The following RFTN2 variants were observed in gnomAD, a reference collection of about 807,000 sequenced individuals.
The protein encoded by RFTN2 is raftlin family member 2.
In RFTN2, 34 loss-of-function variants were observed where a neutral mutation model predicts 52.7. The observed-to-expected ratio is 0.64, with a 90% CI of 0.49 to 0.86. The LOEUF (loss-of-function observed/expected upper bound fraction) is 0.86. RFTN2 is among the 40% of genes least tolerant of loss of function. RFTN2 has a pLI of 0.00. For synonymous variants in RFTN2, 203 were observed against 217.7 expected (o/e 0.93, Z 0.59); for missense variants, 536 against 600.1 (o/e 0.89, Z 1.12).
At chr2:197,579,524 T>A (rs534185593) in intron 8 of RFTN2, among the ~76,000 whole-genome samples, 1 of 152,164 alleles carries the variant, frequency 6.6e-6, no homozygotes, top group African/African-American at 2.4e-5. Flanking sequence ...GCACTTTCAA[T>A]TTTTCGGTCC....
chr2:197,620,144 A>G (rs1053713612), intron 5 of RFTN2, among the ~76,000 whole-genome samples: 1 of 152,142 alleles, frequency 6.6e-6, no homozygotes, highest in African/African-American at 2.4e-5. Context: ...AGATTACTTC[A>G]AAAGACCTAA....
At chr2:197,633,115 G>C (rs1474468024) in intron 4 of RFTN2, among the ~76,000 whole-genome samples, 1 of 152,142 alleles carries the variant, frequency 6.6e-6, no homozygotes, top group African/African-American at 2.4e-5. Context: ...AGAAAACTTT[G>C]AATGGTCCCA....
intron 8 of RFTN2, among the ~76,000 whole-genome samples, chr2:197,585,690 C>G (rs983343056): frequency 6.6e-6 from 1 of 152,100 alleles, no homozygotes; most frequent in African/African-American, 2.4e-5. Flanking sequence ...CACAGCTGTC[C>G]CCGCCTTACA....
chr2:197,615,672 T>A (rs1002187278), intron 7 of RFTN2, among the ~76,000 whole-genome samples: 24 of 152,290 alleles, frequency 1.6e-4, no homozygotes, highest in African/African-American at 5.8e-4. Context: ...CAGTTTTGGA[T>A]ATGTGCTGCA....
At chr2:197,587,458 C>T (rs183536156) in intron 8 of RFTN2, among the ~76,000 whole-genome samples, 2 of 152,236 alleles carry the variant, frequency 1.3e-5, no homozygotes, top group Admixed American at 6.5e-5. Context: ...CCTGCCTTAA[C>T]TGAAGACATT....
chr2:197,605,050 C>T (rs1003012786), intron 7 of RFTN2, among the ~76,000 whole-genome samples: 1 of 152,130 alleles, frequency 6.6e-6, no homozygotes, highest in Admixed American at 6.5e-5. Flanking sequence ...AGCCACCACA[C>T]CCAGCGTGTG....
chr2:197,617,414 A>G (rs1400390402), intron 6 of RFTN2, among the ~76,000 whole-genome samples: 1 of 152,208 alleles, frequency 6.6e-6, no homozygotes, highest in African/African-American at 2.4e-5. Context: ...CACTAAACAA[A>G]TATGTGTTTA....
At chr2:197,632,221 T>G (rs2088479577) in intron 4 of RFTN2, among the ~76,000 whole-genome samples, 1 of 152,218 alleles carries the variant, frequency 6.6e-6, no homozygotes, top group South Asian at 2.1e-4. Context: ...TCTTGTTCAC[T>G]TTTACATTCT....
Position 197,570,703 on chromosome 2 carries a change from C to G in RFTN2, c.*1305G>C, listed in dbSNP as rs935241950. 1 of 152,200 alleles carries G rather than the reference C, an allele frequency of 6.6e-6. No homozygotes were observed. The highest frequency in any genetic ancestry group is 2.1e-4 in the South Asian group (1 of 4,832). The allele number at this position is 152,200 out of a possible 1,614,324, so 9.4% of individuals were successfully genotyped here. A position where few individuals can be genotyped will look rare whatever the true frequency, so the allele number is the denominator to read the frequency against. On this transcript the variant is annotated 3_prime_UTR_variant, in exon 9 of 9. Coordinates refer to ENST00000295049, the MANE Select transcript of RFTN2 (RefSeq NM_144629.3). ...TGCGACTGTGCCACTGCATTCCAGC[C>G]TGGGTGACAGAGTGAGACTCCGTCT... is the stretch of plus-strand genomic sequence containing the variant.
intron 4 of RFTN2, among the ~76,000 whole-genome samples, chr2:197,632,947 C>T (rs768028962): frequency 1.3e-5 from 2 of 152,212 alleles, no homozygotes; most frequent in Non-Finnish European, 2.9e-5. Flanking sequence ...TTCTTATTTA[C>T]TTCTCACAAC....
intron 7 of RFTN2, among the ~76,000 whole-genome samples, chr2:197,598,313 C>A (rs777000254): frequency 2.0e-5 from 3 of 151,918 alleles, no homozygotes; most frequent in Non-Finnish European, 4.4e-5. Flanking sequence ...GAAAGAGAAC[C>A]TATCTTAAAA....
intron 5 of RFTN2, among the ~76,000 whole-genome samples, chr2:197,619,018 G>GC (rs977454562): frequency 1.3e-5 from 2 of 151,268 alleles, no homozygotes; most frequent in South Asian, 2.1e-4. Context: ...GGGGGGGTCA[G>GC]CCCCCTGCCC....
At chr2:197,589,502 GCTC>G (rs1469274134) in intron 8 of RFTN2, among the ~76,000 whole-genome samples, 11 of 152,250 alleles carry the variant, frequency 7.2e-5, no homozygotes, top group African/African-American at 2.6e-4. Flanking sequence ...GGTTCTGATT[GCTC>G]CTCATTCTCC....
At chr2:197,590,980 G>A (rs1301668327) in intron 8 of RFTN2, among the ~76,000 whole-genome samples, 1 of 152,158 alleles carries the variant, frequency 6.6e-6, no homozygotes, top group African/African-American at 2.4e-5. Context: ...GAGGCAGCCT[G>A]CTTTTATTCT....
intron 3 of RFTN2, among the ~76,000 whole-genome samples, chr2:197,640,527 C>A (rs1019667251): frequency 2.0e-5 from 3 of 152,070 alleles, no homozygotes; most frequent in Admixed American, 2.0e-4. Context: ...CTTTCTTTGA[C>A]TCGGAAAGGG....
chr2:197,669,726 A>T (rs2089117466), intron 1 of RFTN2, among the ~76,000 whole-genome samples: 1 of 152,092 alleles, frequency 6.6e-6, no homozygotes, highest in African/African-American at 2.4e-5. Context: ...CCTGCTGCTC[A>T]CCTCTGGCTG....
chr2:197,578,695 C>T (rs1045399017), intron 8 of RFTN2, among the ~76,000 whole-genome samples: 10 of 152,212 alleles, frequency 6.6e-5, no homozygotes, highest in African/African-American at 2.2e-4. Context: ...TGGACTCAGC[C>T]CGCCTGCACC....
At chr2:197,594,562 G>T (rs955109721) in intron 8 of RFTN2, among the ~76,000 whole-genome samples, 2 of 152,182 alleles carry the variant, frequency 1.3e-5, no homozygotes. Flanking sequence ...AAACTCCTGG[G>T]TTCAAGCAGT....
chr2:197,616,048 GGT>G, intron 6 of RFTN2, 69 bp from the exon 7 acceptor site: 1 of 895,130 alleles, frequency 1.1e-6, no homozygotes. Flanking sequence ...TACAACAAAG[GGT>G]GATGCGTGTT....
Sources: gnomAD v4.1 joint callset for allele counts (sites outside exome capture counted in the v4.1 genomes callset) on GRCh38, gnomAD v4.1.1 for gene constraint, MANE v1.5 for transcripts, NCBI Gene and HGNC (gene_info 2026-07-23, HGNC 2026-07-21) for gene names.